Variants in DCAF8L2 observed in about 807,000 individuals in gnomAD.
DCAF8L2 encodes DDB1 and CUL4 associated factor 8 like 2, also known as DDB1- and CUL4-associated factor 8-like protein 2.
For synonymous variants in DCAF8L2, 200 were observed against 190.9 expected (o/e 1.05, Z -0.39); for missense variants, 430 against 490.7 (o/e 0.88, Z 1.17).
the DCAF8L2 span, among the ~76,000 whole-genome samples, chrX:27,489,392 C>T: frequency 3.6e-5 from 4 of 112,497 alleles, no homozygotes; most frequent in Non-Finnish European, 5.6e-5. Flanking sequence ...CCACCACGCC[C>T]GACCTCAAGT....
the DCAF8L2 span, among the ~76,000 whole-genome samples, chrX:27,488,098 A>G: frequency 1.8e-5 from 2 of 112,029 alleles, no homozygotes; most frequent in East Asian, 2.8e-4. Context: ...AGTTGTTGTA[A>G]CTTATTTCCA....
At chrX:27,601,711 A>C (rs1015867405) in intron 1 of DCAF8L2, among the ~76,000 whole-genome samples, 22 of 110,473 alleles carry the variant, frequency 2.0e-4, no homozygotes, top group Non-Finnish European at 3.4e-4. Context: ...AAAAAAAAAA[A>C]AAACAATTTG....
At chrX:27,527,638 A>G in the DCAF8L2 span, among the ~76,000 whole-genome samples, 1 of 109,299 alleles carries the variant, frequency 9.1e-6, no homozygotes, top group Non-Finnish European at 1.9e-5. Context: ...TGTAGACTGG[A>G]GCTATTCAGC....
chrX:27,602,678 T>C (rs1341776250), intron 1 of DCAF8L2, among the ~76,000 whole-genome samples: 1 of 111,799 alleles, frequency 8.9e-6, no homozygotes, highest in African/African-American at 3.2e-5. Flanking sequence ...ATTATGTCTT[T>C]ATTACTCATC....
chrX:27,679,507 G>A (rs993729829), intron 3 of DCAF8L2, among the ~76,000 whole-genome samples: 3 of 110,849 alleles, frequency 2.7e-5, no homozygotes, highest in Non-Finnish European at 3.8e-5. Context: ...AAGAGCTTCT[G>A]AGTATACCAG....
chrX:27,692,369 T>G (rs896278875), intron 3 of DCAF8L2, among the ~76,000 whole-genome samples: 1 of 111,951 alleles, frequency 8.9e-6, no homozygotes, highest in Non-Finnish European at 1.9e-5. Flanking sequence ...ATGCAGGATA[T>G]GATAAGATTG....
At chrX:27,517,679 G>T in the DCAF8L2 span, 1 of 699,868 alleles carries the variant, frequency 1.4e-6, no homozygotes, top group Non-Finnish European at 2.3e-6. Context: ...TGGCGAGGTG[G>T]GATGCATTCC....
At chrX:27,653,190 T>C (rs1331056547) in intron 2 of DCAF8L2, among the ~76,000 whole-genome samples, 1 of 111,745 alleles carries the variant, frequency 8.9e-6, no homozygotes, top group Non-Finnish European at 1.9e-5. Context: ...TTCTGGAGAT[T>C]AATGGGCAAT....
At chrX:27,586,917 A>G (rs986041105), upstream of DCAF8L2, among the ~76,000 whole-genome samples, 1 of 110,908 alleles carries the variant, frequency 9.0e-6, no homozygotes, top group Non-Finnish European at 1.9e-5. Context: ...TTGCCATTAA[A>G]TATTTCTTGA....
the DCAF8L2 span, chrX:27,519,096 T>C: frequency 9.3e-7 from 1 of 1,070,102 alleles, no homozygotes; most frequent in Non-Finnish European, 1.3e-6. Flanking sequence ...AGGGGAAACA[T>C]CAGAAGCAGT....
chrX:27,544,680 C>G, the DCAF8L2 span, among the ~76,000 whole-genome samples: 4 of 111,827 alleles, frequency 3.6e-5, no homozygotes, highest in Non-Finnish European at 5.6e-5. Flanking sequence ...ACATGTTGGT[C>G]ATATAATCCA....
At chrX:27,558,811 C>G in the DCAF8L2 span, among the ~76,000 whole-genome samples, 11 of 102,394 alleles carry the variant, frequency 1.1e-4, no homozygotes, top group African/African-American at 3.6e-4. Flanking sequence ...TTCCTGTGTC[C>G]ATGTGTCTGA....
intron 4 of DCAF8L2, among the ~76,000 whole-genome samples, chrX:27,724,860 G>A (rs975902340): frequency 9.1e-6 from 1 of 110,335 alleles, no homozygotes; most frequent in Non-Finnish European, 1.9e-5. Context: ...ATACTTTAAA[G>A]TGAGAGGGAA....
chrX:27,742,217 C>T (rs748370422), intron 4 of DCAF8L2, among the ~76,000 whole-genome samples: 8 of 111,096 alleles, frequency 7.2e-5, no homozygotes, highest in African/African-American at 2.3e-4. Flanking sequence ...AAGCATAATC[C>T]GTCAAAATGC....
At chrX:27,584,888 C>T in the DCAF8L2 span, among the ~76,000 whole-genome samples, 1 of 111,410 alleles carries the variant, frequency 9.0e-6, no homozygotes, top group Non-Finnish European at 1.9e-5. Context: ...TTGTTTGTCA[C>T]GCTGAGCAGA....
At chrX:27,576,809 A>C in the DCAF8L2 span, among the ~76,000 whole-genome samples, 1 of 112,250 alleles carries the variant, frequency 8.9e-6, no homozygotes, top group South Asian at 3.7e-4. Context: ...GCTTTATATA[A>C]AGAAATAAAC....
At chrX:27,517,152 A>G in the DCAF8L2 span, among the ~76,000 whole-genome samples, 2 of 112,058 alleles carry the variant, frequency 1.8e-5, no homozygotes, top group Admixed American at 9.5e-5. Context: ...GATTAAAAAA[A>G]CTAACCACCA....
the DCAF8L2 span, among the ~76,000 whole-genome samples, chrX:27,478,676 A>G: frequency 1.0e-3 from 112 of 112,269 alleles, no homozygotes; most frequent in South Asian, 0.028. Context: ...ATGCCAAGAT[A>G]TATAGAGAAC....
At chrX:27,479,150 CATGTAGAGGACT>C in the DCAF8L2 span, among the ~76,000 whole-genome samples, 6 of 110,532 alleles carry the variant, frequency 5.4e-5, no homozygotes, top group Non-Finnish European at 1.1e-4. Context: ...ATCAAGATGC[CATGTAGAGGACT>C]ATGTAGCCAG....
Sources: allele counts gnomAD v4.1 joint callset (sites outside exome capture counted in the v4.1 genomes callset), GRCh38; gene constraint gnomAD v4.1.1; transcripts MANE v1.5; gene names NCBI Gene and HGNC (gene_info 2026-07-23, HGNC 2026-07-21).